Variants in KAT2B observed in about 807,000 individuals in gnomAD.
KAT2B encodes lysine acetyltransferase 2B.
Under a neutral mutation model 105.9 loss-of-function variants are expected in KAT2B, and 36 were observed. That is an observed-to-expected ratio of 0.34 (90% CI 0.26 to 0.45). The LOEUF (loss-of-function observed/expected upper bound fraction) is 0.45. KAT2B is among the 20% of genes least tolerant of loss of function. The pLI, the probability that KAT2B is intolerant of heterozygous loss-of-function variation, is 1.00. For missense variants in KAT2B, 820 were observed against 1,021.6 expected, an observed-to-expected ratio of 0.80 and a Z score of 2.69; for synonymous variants, 397 against 377.9, an observed-to-expected ratio of 1.05 and a Z score of -0.59.
At chr3:20,090,017 A>G (rs916070184) in intron 2 of KAT2B, among the ~76,000 whole-genome samples, 1 of 152,110 alleles carries the variant, frequency 6.6e-6, no homozygotes, top group Non-Finnish European at 1.5e-5. Context: ...ACAAGAAAAA[A>G]AAAAACGAAT....
At chr3:20,110,932 A>T (rs1157578605) in intron 5 of KAT2B, among the ~76,000 whole-genome samples, 1 of 152,156 alleles carries the variant, frequency 6.6e-6, no homozygotes, top group Admixed American at 6.6e-5. Context: ...TACCTAGGCG[A>T]CAAATGGTAG....
At chr3:20,130,391 C>G (rs995600493) in intron 11 of KAT2B, among the ~76,000 whole-genome samples, 3 of 152,090 alleles carry the variant, frequency 2.0e-5, no homozygotes, top group Non-Finnish European at 4.4e-5. Context: ...CTCCGCTAGC[C>G]AAAGTGACAA....
chr3:20,064,022 A>G (rs746312356), intron 1 of KAT2B, among the ~76,000 whole-genome samples: 6 of 152,084 alleles, frequency 3.9e-5, no homozygotes, highest in Non-Finnish European at 7.4e-5. Context: ...AAATCATTTG[A>G]CCATTATCTG....
intron 1 of KAT2B, among the ~76,000 whole-genome samples, chr3:20,065,569 CTG>C (rs3086993): frequency 0.17 from 26,496 of 152,090 alleles, 3,008 homozygotes; most frequent in Non-Finnish European, 0.26. Flanking sequence ...AGAGCATTGA[CTG>C]TTTTTTAAAG....
intron 9 of KAT2B, among the ~76,000 whole-genome samples, chr3:20,124,317 C>T (rs962095716): frequency 6.6e-6 from 1 of 152,058 alleles, no homozygotes; most frequent in Admixed American, 6.6e-5. Flanking sequence ...ACAGACTGTA[C>T]AAGAATGGCA....
intron 13 of KAT2B, among the ~76,000 whole-genome samples, chr3:20,145,153 T>G (rs1270269069): frequency 6.6e-6 from 1 of 152,190 alleles, no homozygotes. Context: ...ATCTTACACT[T>G]TTTTCCAATT....
At chr3:20,127,647 G>C in intron 11 of KAT2B, 98 bp downstream of exon 11, 2 of 1,223,568 alleles carry the variant, frequency 1.6e-6, no homozygotes, top group Non-Finnish European at 2.3e-6. Context: ...CATGTCCAGA[G>C]AAGGTTCAAA....
At chr3:20,115,735 C>T (rs1441315955) in intron 7 of KAT2B, among the ~76,000 whole-genome samples, 1 of 152,172 alleles carries the variant, frequency 6.6e-6, no homozygotes, top group Admixed American at 6.5e-5. Context: ...ACAGTGGCCT[C>T]CTTCCAGACA....
chr3:20,053,442 G>A (rs1415218953), intron 1 of KAT2B, among the ~76,000 whole-genome samples: 1 of 152,210 alleles, frequency 6.6e-6, no homozygotes, highest in East Asian at 1.9e-4. Context: ...GGCTGAAGCA[G>A]GAGGATCACT....
chr3:20,065,181 T>A (rs1698202865), intron 1 of KAT2B, among the ~76,000 whole-genome samples: 1 of 152,190 alleles, frequency 6.6e-6, no homozygotes, highest in Admixed American at 6.6e-5. Context: ...TGGCCTTTTC[T>A]TCTTTCTTGG....
At chr3:20,132,261 C>T (rs534139521) in intron 11 of KAT2B, among the ~76,000 whole-genome samples, 26 of 152,242 alleles carry the variant, frequency 1.7e-4, no homozygotes, top group Middle Eastern at 3.4e-3. Flanking sequence ...GTAATCCCAG[C>T]TACTCAGAGG....
intron 1 of KAT2B, among the ~76,000 whole-genome samples, chr3:20,042,479 A>T (rs776171694): frequency 6.6e-6 from 1 of 152,192 alleles, no homozygotes; most frequent in South Asian, 2.1e-4. Flanking sequence ...GACTACACCA[A>T]AATCTCACAA....
chr3:20,110,672 C>CAAAAAAAAAAAAAAAAAAAAA (rs55653348), intron 5 of KAT2B, among the ~76,000 whole-genome samples: 1 of 69,488 alleles, frequency 1.4e-5, no homozygotes, highest in African/African-American at 6.1e-5. Context: ...GACCCTGTCT[C>CAAAAAAAAAAAAAAAAAAAAA]AAAAAAAAAA....
intron 2 of KAT2B, among the ~76,000 whole-genome samples, chr3:20,091,720 A>G (rs1698721867): frequency 6.6e-6 from 1 of 152,118 alleles, no homozygotes; most frequent in African/African-American, 2.4e-5. Context: ...AGATATTTTT[A>G]AATTTCCCTT....
chr3:20,148,414 C>T lies in KAT2B; in HGVS notation c.2232C>T (p.Ser744=), dbSNP rs372751169. 3.2e-5 allele frequency: 52 copies of T among 1,610,748 alleles called. No individual in the cohort carries two copies. The highest frequency in any genetic ancestry group is 3.8e-5 in the Non-Finnish European group (45 of 1,178,986). ...SILQQVKSHQ[S]AWPFMEPVKR... Reference sequence around the variant, plus strand: ...TTTCTTTACCCAAGAGCCATCAAAGCGCTTGGCCCTTCATGGAACCTGTGA... The same window carrying T: ...TTTCTTTACCCAAGAGCCATCAAAGTGCTTGGCCCTTCATGGAACCTGTGA... Residue 744 remains serine (S), a synonymous_variant, in exon 17 of 18, where the codon AGC becomes AGT. Transcript: ENST00000263754.
chr3:20,129,826 G>C (rs1174079075), intron 11 of KAT2B, among the ~76,000 whole-genome samples: 1 of 152,162 alleles, frequency 6.6e-6, no homozygotes, highest in Non-Finnish European at 1.5e-5. Context: ...GACTCCTTCA[G>C]CTTCAAAGAA....
rs1198200315 is a variant in KAT2B, at chr3:20,126,102, C to T, written c.1611C>T (p.Leu537=). 3 of 1,599,904 alleles carry T rather than the reference C, an allele frequency of 1.9e-6. No individual in the cohort carries two copies. Among genetic ancestry groups the T allele is most frequent in the African/African-American group, 1.3e-5 (1 of 74,674 alleles). The change falls in exon 10 of 18, where the codon CTC becomes CTT. Residue 537 remains leucine, a synonymous_variant. Coordinates refer to ENST00000263754, the MANE Select transcript of KAT2B (RefSeq NM_003884.5). ...PRMPKEYITR[L]VFDPKHKTLA... is the part of the protein sequence containing the mutation. ...TGCCAAAAGAATACATCACACGGCT[C>T]GTCTTTGACCCGTAAGTGGTACTTT...
chr3:20,040,881 C>T (rs1290456484), intron 1 of KAT2B, 101 bp downstream of exon 1: 1 of 1,343,392 alleles, frequency 7.4e-7, no homozygotes, highest in South Asian at 1.5e-5. Flanking sequence ...CGCCTCCTGC[C>T]TCTCGCCTCC....
At chr3:20,075,546 C>T (rs1698402981) in intron 2 of KAT2B, among the ~76,000 whole-genome samples, 1 of 152,106 alleles carries the variant, frequency 6.6e-6, no homozygotes, top group Non-Finnish European at 1.5e-5. Context: ...TGCTTCTGAC[C>T]TACCGGCTAT....
Sources: allele counts gnomAD v4.1 joint callset (sites outside exome capture counted in the v4.1 genomes callset), GRCh38; gene constraint gnomAD v4.1.1; transcripts MANE v1.5; gene names NCBI Gene and HGNC (gene_info 2026-07-23, HGNC 2026-07-21).